DIP2B: variants seen among roughly 807,000 people sequenced by gnomAD.
DIP2B encodes disco-interacting protein 2 homolog B.
DIP2B carries 76 observed loss-of-function variants against 198.0 expected under a neutral mutation model. That is an observed-to-expected ratio of 0.38 (90% confidence interval 0.32 to 0.46). The LOEUF is 0.46. DIP2B is among the 20% of genes least tolerant of loss of function. The pLI is 0.99. For synonymous variants in DIP2B, 701 were observed against 739.1 expected (o/e 0.95, Z 0.84); for missense variants, 1,559 against 1,978.4 (o/e 0.79, Z 4.02).
chr12:50,541,127 TAGAA>T (rs1958321771), intron 1 of DIP2B, among the ~76,000 whole-genome samples: 1 of 152,192 alleles, frequency 6.6e-6, no homozygotes, highest in Admixed American at 6.5e-5. Context: ...TTAATAAATG[TAGAA>T]AGAATCAGTG....
intron 3 of DIP2B, among the ~76,000 whole-genome samples, chr12:50,648,705 C>A (rs929025643): frequency 5.3e-5 from 8 of 151,606 alleles, no homozygotes; most frequent in East Asian, 1.9e-4. Flanking sequence ...CTTCCCCCCC[C>A]CCTCCTTACT....
chr12:50,695,843 T>C lies in DIP2B; in HGVS notation c.1814-5T>C. 1 of 1,614,028 alleles carries C rather than the reference T, an allele frequency of 6.2e-7. No homozygotes were observed. The highest frequency in any genetic ancestry group is 8.5e-7 in the Non-Finnish European group (1 of 1,179,876). ...ATGTTAACTTCATCCTTTTTGAATT[T>C]ATAGCCAAGGTAGCTTTAGTAAAAT... is the stretch of plus-strand genomic sequence containing the variant. On this transcript the variant is annotated splice_region_variant and splice_polypyrimidine_tract_variant and intron_variant, in intron 15 of 37. Coordinates refer to ENST00000301180, the MANE Select transcript of DIP2B (RefSeq NM_173602.3).
intron 14 of DIP2B, among the ~76,000 whole-genome samples, chr12:50,694,463 C>G (rs977759673): frequency 6.6e-6 from 1 of 151,992 alleles, no homozygotes; most frequent in Non-Finnish European, 1.5e-5. Flanking sequence ...CCACTGTACT[C>G]TAGCCTGGGC....
chr12:50,557,596 T>C (rs1265796267), intron 1 of DIP2B, among the ~76,000 whole-genome samples: 1 of 152,232 alleles, frequency 6.6e-6, no homozygotes, highest in East Asian at 1.9e-4. Flanking sequence ...GAACTGTGGC[T>C]AATGGGCTGC....
intron 1 of DIP2B, among the ~76,000 whole-genome samples, chr12:50,510,668 G>A (rs537512720): frequency 6.9e-6 from 1 of 145,450 alleles, no homozygotes; most frequent in Admixed American, 6.9e-5. Context: ...TTTTTGAGAC[G>A]GAGTTTCACT....
At chr12:50,537,114 A>ATTTTTTTTTTTTTTTTTGTTTTTTTTT (rs1958276328) in intron 1 of DIP2B, among the ~76,000 whole-genome samples, 1 of 32,236 alleles carries the variant, frequency 3.1e-5, no homozygotes, top group Non-Finnish European at 4.8e-5. Context: ...TTATTCTCTA[A>ATTTTTTTTTTTTTTTTTGTTTTTTTTT]TTTTTTTTTT....
intron 1 of DIP2B, among the ~76,000 whole-genome samples, chr12:50,539,909 C>T (rs1204116365): frequency 6.6e-6 from 1 of 151,938 alleles, no homozygotes; most frequent in Non-Finnish European, 1.5e-5. Context: ...TCTGATTTGT[C>T]TTTTCTGCAT....
chr12:50,515,606 C>A (rs1958057078), intron 1 of DIP2B, among the ~76,000 whole-genome samples: 1 of 152,186 alleles, frequency 6.6e-6, no homozygotes, highest in Non-Finnish European at 1.5e-5. Flanking sequence ...GCTTCCTAAC[C>A]TTCCTCGTGC....
intron 37 of DIP2B, among the ~76,000 whole-genome samples, chr12:50,743,172 T>C (rs1940284452): frequency 6.6e-6 from 1 of 152,064 alleles, no homozygotes; most frequent in African/African-American, 2.4e-5. Flanking sequence ...AACCTCTGCC[T>C]CCTGGGTTCA....
At chr12:50,618,005 A>G (rs903314886) in intron 1 of DIP2B, among the ~76,000 whole-genome samples, 9 of 152,244 alleles carry the variant, frequency 5.9e-5, no homozygotes, top group African/African-American at 9.6e-5. Flanking sequence ...ACAAATAACA[A>G]TGGACAAAGA....
At chr12:50,618,817 A>G (rs778868670) in intron 1 of DIP2B, among the ~76,000 whole-genome samples, 13 of 152,152 alleles carry the variant, frequency 8.5e-5, no homozygotes, top group Non-Finnish European at 1.3e-4. Flanking sequence ...TTTTACTTAT[A>G]TGTTCTTATC....
intron 19 of DIP2B, among the ~76,000 whole-genome samples, chr12:50,699,723 C>T (rs1369066106): frequency 6.6e-6 from 1 of 151,978 alleles, no homozygotes; most frequent in Non-Finnish European, 1.5e-5. Context: ...ATTAGCCAGA[C>T]ATGGTGGTGC....
chr12:50,644,447 A>ATG (rs1388103116), intron 3 of DIP2B, among the ~76,000 whole-genome samples: 2 of 152,224 alleles, frequency 1.3e-5, no homozygotes, highest in Non-Finnish European at 2.9e-5. Flanking sequence ...CAGCTCAAAC[A>ATG]TGAATACTGG....
At chr12:50,713,016 G>A (rs773653199) in intron 22 of DIP2B, among the ~76,000 whole-genome samples, 22 of 152,320 alleles carry the variant, frequency 1.4e-4, no homozygotes, top group Admixed American at 3.9e-4. Context: ...AGAGAAGTGT[G>A]ATTACGAATA....
intron 1 of DIP2B, among the ~76,000 whole-genome samples, chr12:50,613,702 A>T (rs914719797): frequency 6.6e-6 from 1 of 152,132 alleles, no homozygotes; most frequent in Non-Finnish European, 1.5e-5. Context: ...CCCATAAAGC[A>T]CTCACAGATC....
At chr12:50,580,151 A>G (rs1203760276) in intron 1 of DIP2B, among the ~76,000 whole-genome samples, 1 of 149,020 alleles carries the variant, frequency 6.7e-6, no homozygotes, top group African/African-American at 2.5e-5. Context: ...TTGTGAGTCA[A>G]GTACTTTCCT....
intron 1 of DIP2B, among the ~76,000 whole-genome samples, chr12:50,526,448 T>C (rs998313897): frequency 6.6e-6 from 1 of 152,202 alleles, no homozygotes; most frequent in African/African-American, 2.4e-5. Context: ...CTGACTACTT[T>C]GCTTATCCAA....
At chr12:50,510,409 G>T (rs554394797) in intron 1 of DIP2B, among the ~76,000 whole-genome samples, 1 of 152,110 alleles carries the variant, frequency 6.6e-6, no homozygotes, top group South Asian at 2.1e-4. Context: ...AATATGTCAC[G>T]CTTAGCTCAG....
chr12:50,522,458 C>T (rs1281805758), intron 1 of DIP2B, among the ~76,000 whole-genome samples: 1 of 152,142 alleles, frequency 6.6e-6, no homozygotes, highest in Non-Finnish European at 1.5e-5. Flanking sequence ...TTGCAGGGCG[C>T]ACACATACAT....
Sources: gnomAD v4.1 joint callset for allele counts (sites outside exome capture counted in the v4.1 genomes callset) on GRCh38, gnomAD v4.1.1 for gene constraint, MANE v1.5 for transcripts, NCBI Gene and HGNC (gene_info 2026-07-23, HGNC 2026-07-21) for gene names.